RBM20: variants seen among roughly 807,000 people sequenced by gnomAD.
The protein encoded by RBM20 is RNA binding motif protein 20, also known as RNA-binding protein 20.
A neutral mutation model predicts 110.1 loss-of-function variants in RBM20; 51 were observed. The ratio of observed to expected loss-of-function variants is 0.46; its 90% confidence interval spans 0.37 to 0.59. The LOEUF (loss-of-function observed/expected upper bound fraction) is 0.59. Among genes scored for constraint, RBM20 ranks in the 20% least tolerant of loss-of-function variants. The pLI is 0.00. For synonymous variants in RBM20, 589 were observed against 618.2 expected, an observed-to-expected ratio of 0.95 and a Z score of 0.70; for missense variants, 1,512 against 1,574.9, an observed-to-expected ratio of 0.96 and a Z score of 0.68.
At chr10:110,672,538 C>CG (rs1478005446) in intron 1 of RBM20, among the ~76,000 whole-genome samples, 1 of 152,240 alleles carries the variant, frequency 6.6e-6, no homozygotes, top group East Asian at 1.9e-4. Context: ...GGCGGTGCGC[C>CG]GCAGGCGGTC....
intron 1 of RBM20, among the ~76,000 whole-genome samples, chr10:110,720,317 ACCC>A (rs1002188837): frequency 6.6e-6 from 1 of 152,106 alleles, no homozygotes; most frequent in Non-Finnish European, 1.5e-5. Context: ...TCCTGTGTCC[ACCC>A]GGCCACCAGC....
chr10:110,786,106 GT>G (rs1844415852), intron 5 of RBM20, among the ~76,000 whole-genome samples: 1 of 152,192 alleles, frequency 6.6e-6, no homozygotes, highest in Non-Finnish European at 1.5e-5. Context: ...GGTTTCAGTT[GT>G]TTTGTGCCAC....
intron 1 of RBM20, among the ~76,000 whole-genome samples, chr10:110,707,184 A>G (rs1862853379): frequency 6.6e-6 from 1 of 152,232 alleles, no homozygotes; most frequent in African/African-American, 2.4e-5. Context: ...AAGGAAGCTC[A>G]TATTTTTAAT....
intron 5 of RBM20, among the ~76,000 whole-genome samples, chr10:110,794,404 A>G (rs943651177): frequency 6.6e-6 from 1 of 152,254 alleles, no homozygotes; most frequent in African/African-American, 2.4e-5. Context: ...ACATGCCCTG[A>G]AGCCAGACAC....
intron 1 of RBM20, among the ~76,000 whole-genome samples, chr10:110,655,972 A>G (rs1299170222): frequency 6.6e-6 from 1 of 151,804 alleles, no homozygotes; most frequent in Non-Finnish European, 1.5e-5. Flanking sequence ...AGCATCCATC[A>G]GGATCCATTA....
At chr10:110,715,636 T>C (rs1021997290) in intron 1 of RBM20, among the ~76,000 whole-genome samples, 2 of 152,126 alleles carry the variant, frequency 1.3e-5, no homozygotes, top group African/African-American at 4.8e-5. Context: ...TCCTACATGA[T>C]TTGGTTGGGT....
At chr10:110,692,328 G>T (rs1862597371) in intron 1 of RBM20, among the ~76,000 whole-genome samples, 1 of 152,056 alleles carries the variant, frequency 6.6e-6, no homozygotes, top group Non-Finnish European at 1.5e-5. Flanking sequence ...GATTTTGATA[G>T]GAATTACATT....
chr10:110,737,182 A>AAAAAAAAAAAAAAAAAAAAAAAC (rs1023856856), intron 1 of RBM20, among the ~76,000 whole-genome samples: 7 of 137,088 alleles, frequency 5.1e-5, no homozygotes, highest in Admixed American at 1.4e-4. Flanking sequence ...TGCCTCAAAA[A>AAAAAAAAAAAAAAAAAAAAAAAC]AAAAAAAAAA....
intron 1 of RBM20, among the ~76,000 whole-genome samples, chr10:110,713,990 A>G (rs945646577): frequency 3.3e-5 from 5 of 152,182 alleles, no homozygotes; most frequent in African/African-American, 1.2e-4. Flanking sequence ...AAGGATCATC[A>G]CCCAGGAATG....
intron 1 of RBM20, among the ~76,000 whole-genome samples, chr10:110,716,991 T>A (rs11592763): frequency 0.13 from 19,942 of 152,138 alleles, 1,377 homozygotes; most frequent in African/African-American, 0.17. Flanking sequence ...CTTCCTGTAA[T>A]TGTGTTTTAA....
chr10:110,740,927 C>G (rs570133073), intron 1 of RBM20, among the ~76,000 whole-genome samples: 2 of 152,284 alleles, frequency 1.3e-5, no homozygotes, highest in South Asian at 4.1e-4. Flanking sequence ...ATGCTTCTGT[C>G]CAGGGTAACA....
At chr10:110,805,834 G>A (rs1337495422) in intron 7 of RBM20, among the ~76,000 whole-genome samples, 1 of 152,216 alleles carries the variant, frequency 6.6e-6, no homozygotes, top group African/African-American at 2.4e-5. Flanking sequence ...TTGGTCCCTT[G>A]TGGGGCTGTT....
intron 1 of RBM20, among the ~76,000 whole-genome samples, chr10:110,730,749 A>AC (rs571697173): frequency 3.0e-4 from 45 of 152,254 alleles, no homozygotes; most frequent in African/African-American, 7.9e-4. Flanking sequence ...AAGCTCTGAG[A>AC]CCTCATGCCC....
chr10:110,800,449 T>C (rs11528238), intron 7 of RBM20, among the ~76,000 whole-genome samples: 2,083 of 152,320 alleles, frequency 0.014, 44 homozygotes, highest in African/African-American at 0.045. Flanking sequence ...TTTTAGCTGA[T>C]CTACGTTTCT....
chr10:110,812,198 A>C, intron 8 of RBM20, 80 bp from the exon 9 acceptor site: 2 of 1,268,308 alleles, frequency 1.6e-6, no homozygotes, highest in Non-Finnish European at 2.2e-6. Flanking sequence ...TATCTAAGAC[A>C]GAGACTGTGT....
chr10:110,803,276 G>A (rs571311841), intron 7 of RBM20, among the ~76,000 whole-genome samples: 4 of 152,298 alleles, frequency 2.6e-5, no homozygotes, highest in Non-Finnish European at 5.9e-5. Context: ...TTAAAACTTA[G>A]TGCTGTTTTG....
At chr10:110,732,424 T>C (rs1340592352) in intron 1 of RBM20, among the ~76,000 whole-genome samples, 1 of 152,194 alleles carries the variant, frequency 6.6e-6, no homozygotes, top group Non-Finnish European at 1.5e-5. Flanking sequence ...AAATGTTTCC[T>C]TTCTCCTTCA....
chr10:110,823,667 C>G (rs1457748563), intron 12 of RBM20, 53 bp downstream of exon 12: 38 of 1,528,080 alleles, frequency 2.5e-5, no homozygotes, highest in Non-Finnish European at 3.3e-5. Context: ...AATAACAGTT[C>G]CATAGCAACC....
At chr10:110,672,032 G>A (rs1201273484) in intron 1 of RBM20, among the ~76,000 whole-genome samples, 1 of 150,100 alleles carries the variant, frequency 6.7e-6, no homozygotes, top group Non-Finnish European at 1.5e-5. Flanking sequence ...GACAAACTTA[G>A]GGGGTATTTT....
Sources: gnomAD v4.1 joint callset for allele counts (sites outside exome capture counted in the v4.1 genomes callset) on GRCh38, gnomAD v4.1.1 for gene constraint, MANE v1.5 for transcripts, NCBI Gene and HGNC (gene_info 2026-07-23, HGNC 2026-07-21) for gene names.